Variants in PITPNC1 observed in about 807,000 individuals in gnomAD.
The protein encoded by PITPNC1 is phosphatidylinositol transfer protein cytoplasmic 1, also known as cytoplasmic phosphatidylinositol transfer protein 1.
In PITPNC1, 18 loss-of-function variants were observed where a neutral mutation model predicts 44.7. The observed-to-expected ratio is 0.40, with a 90% CI of 0.28 to 0.60. PITPNC1 has a LOEUF of 0.60. Ranked by LOEUF, PITPNC1 falls within the 20% of genes least tolerant of loss-of-function variation. PITPNC1 has a pLI of 0.39. For missense variants in PITPNC1, 290 were observed against 418.4 expected (o/e 0.69, Z 2.68); for synonymous variants, 141 against 149.6 (o/e 0.94, Z 0.42).
At chr17:67,462,997 C>G (rs531925219) in intron 1 of PITPNC1, among the ~76,000 whole-genome samples, 1 of 152,152 alleles carries the variant, frequency 6.6e-6, no homozygotes, top group Non-Finnish European at 1.5e-5. Flanking sequence ...CCGCCGCCCC[C>G]GGCAACAATT....
chr17:67,379,339 C>T (rs1309044990), intron 1 of PITPNC1: 3 of 985,368 alleles, frequency 3.0e-6, no homozygotes, highest in African/African-American at 1.7e-5. Flanking sequence ...TAACTGAGAA[C>T]ATGGCTGAGC....
intron 6 of PITPNC1, among the ~76,000 whole-genome samples, chr17:67,637,493 G>A (rs938526197): frequency 6.6e-6 from 1 of 152,104 alleles, no homozygotes; most frequent in Non-Finnish European, 1.5e-5. Context: ...CTCAGCTACT[G>A]TTGCACACAC....
At chr17:67,423,921 T>G (rs1368239636) in intron 1 of PITPNC1, among the ~76,000 whole-genome samples, 1 of 151,960 alleles carries the variant, frequency 6.6e-6, no homozygotes, top group Non-Finnish European at 1.5e-5. Flanking sequence ...AGGTTTCAAG[T>G]AGATTTCTTG....
intron 1 of PITPNC1, among the ~76,000 whole-genome samples, chr17:67,435,182 C>T (rs1488317397): frequency 6.6e-6 from 1 of 151,962 alleles, no homozygotes; most frequent in Non-Finnish European, 1.5e-5. Context: ...ACCTTGGCTC[C>T]TCTTGGGCAA....
chr17:67,450,409 G>C (rs925671057), intron 1 of PITPNC1, among the ~76,000 whole-genome samples: 2 of 151,740 alleles, frequency 1.3e-5, no homozygotes, highest in African/African-American at 4.8e-5. Context: ...ATACGTATAA[G>C]ATAAAAATTT....
At chr17:67,615,150 G>T (rs1376035034) in intron 5 of PITPNC1, among the ~76,000 whole-genome samples, 1 of 152,220 alleles carries the variant, frequency 6.6e-6, no homozygotes, top group Non-Finnish European at 1.5e-5. Context: ...CAGCCAGGAG[G>T]CCTTGCGTAG....
rs1160152426 is a variant in PITPNC1, at chr17:67,599,034, ATTTT to A, written c.366+20794_366+20797del. ...TATATATATATATATATATATATAT[ATTTT>A]TTTTTTTTTTTTTTTTACCATGTTG... is the stretch of plus-strand genomic sequence containing the variant. On this transcript the variant is annotated intron_variant, in intron 5 of 8. Coordinates refer to ENST00000581322, the MANE Select transcript of PITPNC1 (RefSeq NM_012417.4). Among the ~76,000 whole-genome samples, 159 of 35,574 alleles carry A rather than the reference ATTTT, an allele frequency of 4.5e-3. 3 individuals are homozygous for A. The highest frequency in any genetic ancestry group is 0.016 in the Middle Eastern group (1 of 62). The allele number at this position is 35,574 out of a possible 152,430, so 23.3% of individuals were successfully genotyped here. A position where few individuals can be genotyped will look rare whatever the true frequency, so the allele number is the denominator to read the frequency against.
At chr17:67,537,715 A>G (rs1399928187) in intron 2 of PITPNC1, among the ~76,000 whole-genome samples, 6 of 152,122 alleles carry the variant, frequency 3.9e-5, no homozygotes, top group Admixed American at 3.9e-4. Context: ...GCTCACCTCT[A>G]TAATCCTAGT....
At chr17:67,511,930 T>C (rs1281493062) in intron 1 of PITPNC1, among the ~76,000 whole-genome samples, 1 of 152,260 alleles carries the variant, frequency 6.6e-6, no homozygotes, top group Non-Finnish European at 1.5e-5. Context: ...TTACTTGAGG[T>C]TGAACATTTT....
intron 1 of PITPNC1, among the ~76,000 whole-genome samples, chr17:67,391,201 T>C (rs1202088524): frequency 6.6e-6 from 1 of 152,130 alleles, no homozygotes; most frequent in African/African-American, 2.4e-5. Flanking sequence ...TGACCATCTT[T>C]AGGGTGTTGT....
At chr17:67,631,624 G>T (rs1457017381) in intron 5 of PITPNC1, among the ~76,000 whole-genome samples, 1 of 5,894 alleles carries the variant, frequency 1.7e-4, no homozygotes, top group Admixed American at 3.5e-3. Flanking sequence ...GTGAGACTCC[G>T]TCTCAAAAAC....
chr17:67,431,022 G>T (rs1249450167), intron 1 of PITPNC1, among the ~76,000 whole-genome samples: 2 of 149,530 alleles, frequency 1.3e-5, no homozygotes, highest in African/African-American at 4.9e-5. Flanking sequence ...ATTTTATGAT[G>T]AACTATTTCT....
chr17:67,619,079 TA>T (rs1031334541), intron 5 of PITPNC1, among the ~76,000 whole-genome samples: 1 of 151,554 alleles, frequency 6.6e-6, no homozygotes, highest in African/African-American at 2.4e-5. Context: ...AAAATAAAAA[TA>T]AAAAATAAAA....
chr17:67,552,424 G>T (rs2916133), intron 3 of PITPNC1, 79 bp downstream of exon 3: 668,989 of 825,046 alleles, frequency 0.81, 272,042 homozygotes, highest in Admixed American at 0.89. Context: ...GATTTACAGT[G>T]GATTATCCAA....
At position 67,650,441 on chromosome 17, in the gene PITPNC1, C is replaced by CTTTTT. The variant is rs34611864; in HGVS notation, c.462+18224_462+18228dup. Reference sequence around the variant, plus strand: ...CATCCTGGGGGCTAGAAACCATAGGCTTTTTTTTTTTTTTTTTTTTTTTTT... The same window carrying CTTTTT: ...CATCCTGGGGGCTAGAAACCATAGGCTTTTTTTTTTTTTTTTTTTTTTTTTTTTTT... On this transcript the variant is annotated intron_variant, in intron 6 of 8. Transcript: ENST00000581322. 3.9e-3 allele frequency among the ~76,000 whole-genome samples: 275 copies of CTTTTT among 70,982 alleles called. 6 individuals are homozygous for CTTTTT. The highest frequency in any genetic ancestry group is 0.012 in the East Asian group (24 of 1,960). 46.6% of individuals were successfully genotyped at this position (70,982 alleles called of 152,430 possible).
rs1313794813 is a variant in PITPNC1, at chr17:67,532,976, C to A, written c.197+26C>A. The A allele has an allele frequency of 3.8e-6, 6 of 1,585,654 alleles. No homozygotes were observed. In the Admixed American group the frequency reaches 1.0e-4, roughly 27 times the overall value. On this transcript the variant is annotated intron_variant, in intron 2 of 8. Transcript: ENST00000581322. ...GTGAGTCATGGCAGCCTGCGTTCTGCACAGAAGCCCCCTCCCACCTGACCC... is the reference window on the plus strand; with the variant it reads ...GTGAGTCATGGCAGCCTGCGTTCTGAACAGAAGCCCCCTCCCACCTGACCC...
chr17:67,566,044 A>AGAGTC (rs1217590044), intron 4 of PITPNC1, among the ~76,000 whole-genome samples: 1 of 152,098 alleles, frequency 6.6e-6, no homozygotes, highest in Non-Finnish European at 1.5e-5. Context: ...TAATGGTTTT[A>AGAGTC]GAGTCGATCC....
chr17:67,574,661 A>G (rs563045834), intron 4 of PITPNC1, among the ~76,000 whole-genome samples: 21 of 152,228 alleles, frequency 1.4e-4, no homozygotes, highest in Admixed American at 8.5e-4. Flanking sequence ...TTATCTTAAC[A>G]TGGACATCAC....
In PITPNC1 at chr17:67,608,064, A is replaced by G. The variant is rs116115533; in HGVS notation, c.367-24079A>G. Among the ~76,000 whole-genome samples the G allele has an allele frequency of 3.3e-3, 496 of 152,068 alleles. 6 individuals carry two copies. The highest frequency in any genetic ancestry group is 0.011 in the African/African-American group (477 of 41,498). ...ACCCTTGAATACTTCATTGCGCCCT[A>G]AGAACAAGGGCTTTCCCTTACGTAA... On this transcript the variant is annotated intron_variant, in intron 5 of 8. Transcript: ENST00000581322.
Sources: gnomAD v4.1 joint callset for allele counts (sites outside exome capture counted in the v4.1 genomes callset) on GRCh38, gnomAD v4.1.1 for gene constraint, MANE v1.5 for transcripts, NCBI Gene and HGNC (gene_info 2026-07-23, HGNC 2026-07-21) for gene names.